CAMK2G: variants seen among roughly 807,000 people sequenced by gnomAD.
CAMK2G encodes the protein calcium/calmodulin dependent protein kinase II gamma.
In CAMK2G, 23 loss-of-function variants were observed where a neutral mutation model predicts 88.7. The observed-to-expected ratio is 0.26, with a 90% CI of 0.19 to 0.37. The LOEUF (loss-of-function observed/expected upper bound fraction) is 0.37, where lower values mean the gene tolerates loss of function less well. Among genes scored for constraint, CAMK2G ranks in the 10% least tolerant of loss-of-function variants. The probability of loss-of-function intolerance (pLI) is 1.00; values close to 1 mark genes in which losing one functional copy is unlikely to be tolerated. For missense variants in CAMK2G, 476 were observed against 780.8 expected, an observed-to-expected ratio of 0.61 and a Z score of 4.65; for synonymous variants, 263 against 294.8, an observed-to-expected ratio of 0.89 and a Z score of 1.11.
At chr10:73,871,325 A>C (rs959717378) in intron 2 of CAMK2G, among the ~76,000 whole-genome samples, 1 of 152,142 alleles carries the variant, frequency 6.6e-6, no homozygotes, top group Non-Finnish European at 1.5e-5. Context: ...AGGAGTAGGA[A>C]ATGAAAGCCC....
chr10:73,852,271 G>A lies in CAMK2G; in HGVS notation c.324C>T (p.Tyr108=), dbSNP rs1326481639. The A allele has an allele frequency of 1.9e-6, 3 of 1,613,776 alleles. No homozygotes were observed. The highest frequency in any genetic ancestry group is 2.5e-6 in the Non-Finnish European group (3 of 1,179,790). The part of the protein sequence containing the change: ...LFEDIVAREY[Y]SEADASHCIH... ...CATCCTACCTGGCATCTGCTTCACTGTAGTACTCTCTGGCCACAATGTCTT... is the reference window on the plus strand; with the variant it reads ...CATCCTACCTGGCATCTGCTTCACTATAGTACTCTCTGGCCACAATGTCTT... Residue 108 remains tyrosine, a synonymous_variant, in exon 5 of 23, where the codon TAC becomes TAT. Transcript: ENST00000423381.
chr10:73,839,545 C>G lies in CAMK2G; in HGVS notation c.1003G>C (p.Gly335Arg). 2 of 1,234,620 alleles carry G rather than the reference C, an allele frequency of 1.6e-6. No homozygotes were observed. The highest frequency in any genetic ancestry group is 2.0e-6 in the Non-Finnish European group (2 of 987,604). The allele number at this position is 1,234,620 out of a possible 1,614,324, so 76.5% of individuals were successfully genotyped here. ...SPAASAAGLA[G>R]QAAKSLLNKK... ...GAGGACTCATGCCACGTACCTTGCC[C>G]GGCCAGGCCGGCGGCGCTCGCGGCA... Residue 335 changes from glycine (G) to arginine (R), a missense_variant, in exon 13 of 23, where the codon GGG becomes CGG. By Grantham distance (125) the Gly-to-Arg change is moderately radical (BLOSUM62 -2). Coordinates refer to ENST00000423381, the MANE Select transcript of CAMK2G (RefSeq NM_001367534.1). This position sits in a 1 kb window ranked among gnomAD's most constrained non-coding sequence, Gnocchi z 4.2.
intron 3 of CAMK2G, among the ~76,000 whole-genome samples, chr10:73,854,212 C>T (rs556341779): frequency 2.0e-5 from 3 of 152,352 alleles, no homozygotes; most frequent in South Asian, 2.1e-4. Flanking sequence ...AAAGCAGCAT[C>T]GCAGACAGGT....
intron 2 of CAMK2G, among the ~76,000 whole-genome samples, chr10:73,865,760 C>T (rs2095562670): frequency 2.6e-5 from 4 of 152,166 alleles, no homozygotes; most frequent in Admixed American, 2.6e-4. Flanking sequence ...GCAAAGGTGT[C>T]TCCCCTTGAG....
At chr10:73,817,303 C>T (rs1330449940) in intron 20 of CAMK2G, among the ~76,000 whole-genome samples, 176 bp downstream of exon 20, 1 of 152,184 alleles carries the variant, frequency 6.6e-6, no homozygotes, top group African/African-American at 2.4e-5. Context: ...TGCCAGGATA[C>T]CATGGGTGAG....
At chr10:73,821,186 T>G (rs959878067) in intron 18 of CAMK2G, among the ~76,000 whole-genome samples, 1 of 152,048 alleles carries the variant, frequency 6.6e-6, no homozygotes, top group Admixed American at 6.6e-5. Flanking sequence ...CTCAAACTCC[T>G]GGTCTCAAGC....
intron 9 of CAMK2G, 107 bp downstream of exon 9, chr10:73,847,881 C>CA: frequency 1.5e-6 from 1 of 649,494 alleles, no homozygotes; most frequent in South Asian, 1.8e-5. Flanking sequence ...TCCCCTGACA[C>CA]CCCCGTATCA....
chr10:73,864,324 C>T (rs2095502508), intron 2 of CAMK2G, among the ~76,000 whole-genome samples: 2 of 152,104 alleles, frequency 1.3e-5, no homozygotes, highest in South Asian at 4.1e-4. Flanking sequence ...TTACTGAGGC[C>T]TACTATGTGA....
chr10:73,849,270 C>T lies in CAMK2G; in HGVS notation c.405G>A (p.Arg135=). 1 of 1,613,294 alleles carries T rather than the reference C, an allele frequency of 6.2e-7. No homozygotes were observed. Among genetic ancestry groups the T allele is most frequent in the Non-Finnish European group, 8.5e-7 (1 of 1,179,314 alleles). The stretch of plus-strand genomic sequence containing the variant: ...GGAGCCTGGGTAGTACCTTCAGGTC[C>T]CTGTGGACGATGTCATGCTGGTGGA... ...NHIHQHDIVH[R]DLKPENLLLA... is the part of the protein sequence containing the mutation. The change falls in exon 6 of 23, where the codon AGG becomes AGA. Residue 135 remains arginine (R), a synonymous_variant. Transcript: ENST00000423381.
At chr10:73,825,415 A>ACT in intron 15 of CAMK2G, 68 bp from the exon 16 acceptor site, 1 of 1,231,120 alleles carries the variant, frequency 8.1e-7, no homozygotes, top group Non-Finnish European at 1.2e-6. Context: ...CAACTCCCAG[A>ACT]CCTCCCTTGC....
intron 21 of CAMK2G, 65 bp from the exon 22 acceptor site, chr10:73,815,312 C>T (rs1404242283): frequency 9.4e-7 from 1 of 1,059,600 alleles, no homozygotes; most frequent in African/African-American, 1.5e-5. Context: ...TCCTCCCAGC[C>T]TGCACTTCCA....
chr10:73,848,037 T>C lies in CAMK2G; in HGVS notation c.647A>G (p.Asp216Gly). The C allele has an allele frequency of 6.2e-7, 1 of 1,612,722 alleles. No homozygotes were observed. The highest frequency in any genetic ancestry group is 8.5e-7 in the Non-Finnish European group (1 of 1,178,794). Residue 216 changes from aspartate to glycine, a missense_variant, in exon 9 of 23, where the codon GAT (aspartate) becomes GGT (glycine). Physicochemically the swap from Asp to Gly is moderately conservative, Grantham distance 94 (BLOSUM62 -1). This residue lies in a region of CAMK2G where 164 missense variants were observed against 385.6 expected (regional missense o/e 0.43). Coordinates refer to ENST00000423381, the MANE Select transcript of CAMK2G (RefSeq NM_001367534.1). The surrounding 1 kb of genome is among the most constrained non-coding windows in gnomAD (Gnocchi z 4.5). ...ILLVGYPPFW[D>G]EDQHKLYQQI... ...CTGATACAGCTTGTGCTGATCCTCA[T>C]CCCAGAAGGGAGGATAGCCCACCAG...
chr10:73,813,266 T>A lies in CAMK2G; in HGVS notation c.*1252A>T, dbSNP rs1466733673. ...CTTTTGGGTTACATGCGGGGAGGGG[T>A]GATGCCCATGCAGATTGTCCAGCAG... On this transcript the variant is annotated 3_prime_UTR_variant, in exon 23 of 23. Transcript: ENST00000423381. 1 of 152,586 alleles carries A rather than the reference T, an allele frequency of 6.6e-6. No homozygotes were observed. The highest frequency in any genetic ancestry group is 1.9e-4 in the East Asian group (1 of 5,192). 9.5% of individuals were successfully genotyped at this position (152,586 alleles called of 1,614,324 possible). A position where few individuals can be genotyped will look rare whatever the true frequency, so the allele number is the denominator to read the frequency against.
intron 2 of CAMK2G, among the ~76,000 whole-genome samples, chr10:73,864,928 GCCA>G (rs2095530782): frequency 6.6e-6 from 1 of 152,200 alleles, no homozygotes; most frequent in Non-Finnish European, 1.5e-5. Context: ...ACAGGCGTGA[GCCA>G]CGGCACCCGG....
At chr10:73,873,717 A>C (rs1228903834) in intron 1 of CAMK2G, among the ~76,000 whole-genome samples, 2 of 109,666 alleles carry the variant, frequency 1.8e-5, no homozygotes, top group Non-Finnish European at 3.6e-5. Context: ...TGAGCTCTGG[A>C]AACGTCTGGG....
intron 14 of CAMK2G, 30 bp from the exon 15 acceptor site, chr10:73,828,151 A>AAGGGGAAAGAGG: frequency 1.9e-6 from 3 of 1,598,934 alleles, no homozygotes; most frequent in Non-Finnish European, 2.6e-6. Flanking sequence ...AGGGAAAGAG[A>AAGGGGAAAGAGG]AGGGGAAAGA....
intron 1 of CAMK2G, chr10:73,873,657 C>T (rs1239005481): frequency 5.6e-6 from 2 of 359,856 alleles, no homozygotes; most frequent in Non-Finnish European, 7.7e-6. Context: ...AAGAACTCCC[C>T]TTCCCATGCT....
At position 73,853,258 on chromosome 10, in the gene CAMK2G, G is replaced by A. The variant is rs750554249; in HGVS notation, c.221-12C>T. On this transcript the variant is annotated splice_polypyrimidine_tract_variant and intron_variant, in intron 3 of 22. Coordinates refer to ENST00000423381, the MANE Select transcript of CAMK2G (RefSeq NM_001367534.1). The stretch of plus-strand genomic sequence containing the variant: ...GTCATGGAGGCGCACTGCAAGAGAG[G>A]AGATGGGGACAGAGATTAACAGAGA... 8 of 1,612,754 alleles carry A rather than the reference G, an allele frequency of 5.0e-6. No homozygotes were observed. The East Asian group carries it at 1.1e-4, about 22-fold the overall frequency.
At chr10:73,870,261 A>G (rs2095774570) in intron 2 of CAMK2G, among the ~76,000 whole-genome samples, 2 of 152,150 alleles carry the variant, frequency 1.3e-5, no homozygotes. Flanking sequence ...GCTTGGAACC[A>G]TGGGCTCCCT....
Sources: gnomAD v4.1 joint callset for allele counts (sites outside exome capture counted in the v4.1 genomes callset) on GRCh38, gnomAD v4.1.1 for gene constraint, gnomAD v4.1.1 regional missense constraint, Gnocchi (gnomAD v3.1) non-coding constraint, MANE v1.5 for transcripts, NCBI Gene and HGNC (gene_info 2026-07-23, HGNC 2026-07-21) for gene names.